Variants in GPAA1 observed in about 807,000 individuals in gnomAD.
GPAA1 encodes the protein GPI-anchor transamidase component GPAA1.
A neutral mutation model predicts 64.0 loss-of-function variants in GPAA1; 54 were observed. The observed-to-expected ratio is 0.84, with a 90% CI of 0.68 to 1.06. The LOEUF (loss-of-function observed/expected upper bound fraction) is 1.06. GPAA1 is among the 50% of genes least tolerant of loss of function. GPAA1 has a pLI of 0.00. For synonymous variants in GPAA1, 393 were observed against 377.3 expected, an observed-to-expected ratio of 1.04 and a Z score of -0.48; for missense variants, 780 against 822.3, an observed-to-expected ratio of 0.95 and a Z score of 0.63.
rs1554764231 is a variant in GPAA1, at chr8:144,085,464, C to T, written c.1436C>T (p.Pro479Leu). The T allele has an allele frequency of 1.2e-6, 2 of 1,603,668 alleles. No individual in the cohort carries two copies. The highest frequency in any genetic ancestry group is 3.3e-5 in the Admixed American group (2 of 60,006). ...LAIYAAGLAL[P>L]HNTHRVVSTQ... ...ATTTATGCAGCTGGCCTGGCCCTGC[C>T]CCACAATACCCACCGGTAAGAGGCT... Residue 479 changes from proline to leucine, a missense_variant, in exon 10 of 12, where the codon CCC becomes CTC. Coordinates refer to ENST00000355091, the MANE Select transcript of GPAA1 (RefSeq NM_003801.4).
At position 144,085,942 on chromosome 8, in the gene GPAA1, G is replaced by C. The variant is rs201447573; in HGVS notation, c.1683G>C (p.Leu561=). The C allele has an allele frequency of 5.7e-5, 92 of 1,610,204 alleles. No homozygotes were observed. In the African/African-American group the frequency reaches 9.7e-4, roughly 17 times the overall value. Residue 561 remains leucine (L), a synonymous_variant, in exon 12 of 12, where the codon CTG becomes CTC. Coordinates refer to ENST00000355091, the MANE Select transcript of GPAA1 (RefSeq NM_003801.4). ...TSPAATLLGS[L]FLWRELQEAP... is the part of the protein sequence containing the mutation. ...CGGCAGCCACGCTCCTTGGCAGCCT[G>C]TTCCTGTGGCGGGAGCTGCAGGAGG...
At position 144,083,509 on chromosome 8, in the gene GPAA1, G is replaced by A; in HGVS notation, c.366+9G>A. 6.3e-7 allele frequency: 1 copy of A among 1,595,346 alleles called. No homozygotes were observed. Among genetic ancestry groups the A allele is most frequent in the South Asian group, 1.1e-5 (1 of 90,754 alleles). On this transcript the variant is annotated intron_variant, in intron 3 of 11. Transcript: ENST00000355091. Reference sequence around the variant, plus strand: ...AGACCCACGAGCGCTATGTACTGGGGGAGTGGGGTGTGCCTGGGCCCAGAA... The same window carrying A: ...AGACCCACGAGCGCTATGTACTGGGAGAGTGGGGTGTGCCTGGGCCCAGAA...
Position 144,082,798 on chromosome 8 carries a change from C to G in GPAA1, c.68C>G (p.Pro23Arg). Reference protein sequence around the residue: ...LARLVLRLNAPLCVLSYVAGI... With the variant: ...LARLVLRLNARLCVLSYVAGI... ...CGCCTAGTGCTGCGCCTCAACGCGC[C>G]GTTGTGGTGAGGACAGGGCCCGGGG... The change falls in exon 1 of 12, where the codon CCG (proline) becomes CGG (arginine). Residue 23 changes from proline to arginine, a missense_variant. Coordinates refer to ENST00000355091, the MANE Select transcript of GPAA1 (RefSeq NM_003801.4). 6.8e-7 allele frequency: 1 copy of G among 1,463,822 alleles called. No individual in the cohort carries two copies. The allele number at this position is 1,463,822 out of a possible 1,614,324, so 90.7% of individuals were successfully genotyped here.
At position 144,085,104 on chromosome 8, in the gene GPAA1, C is replaced by G. The variant is rs1176454102; in HGVS notation, c.1226C>G (p.Ala409Gly). ...AGMGLEEPGG[A>G]PGPSVPLPPS... Reference sequence around the variant, plus strand: ...ATGGGCCTTGAGGAGCCCGGGGGTGCCCCTGGCCCCAGTGTACCCCTTCCC... The same window carrying G: ...ATGGGCCTTGAGGAGCCCGGGGGTGGCCCTGGCCCCAGTGTACCCCTTCCC... The change falls in exon 9 of 12, where the codon GCC becomes GGC. Residue 409 changes from alanine to glycine, a missense_variant. Physicochemically the swap from Ala to Gly is moderately conservative, Grantham distance 60 (BLOSUM62 0). Transcript: ENST00000355091. The G allele has an allele frequency of 6.2e-7, 1 of 1,606,150 alleles. No homozygotes were observed. Among genetic ancestry groups the G allele is most frequent in the African/African-American group, 1.3e-5 (1 of 74,816 alleles).
rs2129944355 is a variant in GPAA1, at chr8:144,084,592, C to T, written c.993C>T (p.Asp331=). Residue 331 remains aspartate, a synonymous_variant, in exon 7 of 12, where the codon GAC becomes GAT. Coordinates refer to ENST00000355091, the MANE Select transcript of GPAA1 (RefSeq NM_003801.4). ...ATAGCTTCCGCCAGTACAAGTATGA[C>T]CTGGTGGCAGTGGGCAAGTAAGTAG... is the stretch of plus-strand genomic sequence containing the variant. ...GINSFRQYKY[D]LVAVGKALEG... 9.3e-6 allele frequency: 15 copies of T among 1,611,870 alleles called. No individual in the cohort carries two copies. Among genetic ancestry groups the T allele is most frequent in the Non-Finnish European group, 1.2e-5 (14 of 1,178,216 alleles).
Position 144,083,306 on chromosome 8 carries a change from G to T in GPAA1, c.254+3G>T, listed in dbSNP as rs1554763802. The T allele has an allele frequency of 6.2e-7, 1 of 1,605,090 alleles. No homozygotes were observed. The highest frequency in any genetic ancestry group is 8.5e-7 in the Non-Finnish European group (1 of 1,174,280). On this transcript the variant is annotated splice_donor_region_variant and intron_variant, in intron 2 of 11. Transcript: ENST00000355091. The stretch of plus-strand genomic sequence containing the variant: ...GCCGCCCACCGCAAGAAGTCGGGGT[G>T]AGCGGCAGAGCAGGGCGTATGGGGC...
Position 144,082,799 on chromosome 8 carries a change from G to T in GPAA1, c.69G>T (p.Pro23=). 1 of 1,464,192 alleles carries T rather than the reference G, an allele frequency of 6.8e-7. No individual in the cohort carries two copies. The highest frequency in any genetic ancestry group is 1.3e-5 in the South Asian group (1 of 75,596). The allele number at this position is 1,464,192 out of a possible 1,614,324, so 90.7% of individuals were successfully genotyped here. ...GCCTAGTGCTGCGCCTCAACGCGCC[G>T]TTGTGGTGAGGACAGGGCCCGGGGA... The part of the protein sequence containing the change: ...LARLVLRLNA[P]LCVLSYVAGI... Residue 23 remains proline (P), a synonymous_variant, in exon 1 of 12, where the codon CCG becomes CCT. Transcript: ENST00000355091.
Position 144,084,006 on chromosome 8 carries a change from T to C in GPAA1, c.582T>C (p.Ala194=), listed in dbSNP as rs889470511. ...VTEHDLLGTE[A]WLEAYHDVNV... is the part of the protein sequence containing the mutation. The stretch of plus-strand genomic sequence containing the variant: ...AACATGACCTTCTGGGCACTGAGGC[T>C]TGGCTTGAAGCCTACCACGATGTCA... Residue 194 remains alanine (A), a synonymous_variant, in exon 5 of 12, where the codon GCT becomes GCC. Transcript: ENST00000355091. 8.7e-6 allele frequency: 14 copies of C among 1,614,096 alleles called. No homozygotes were observed. Among genetic ancestry groups the C allele is most frequent in the Non-Finnish European group, 1.1e-5 (13 of 1,179,944 alleles).
At chr8:144,085,522 C>T (rs367939672) in intron 10 of GPAA1, 43 bp downstream of exon 10, 99 of 1,605,560 alleles carry the variant, frequency 6.2e-5, no homozygotes, top group Non-Finnish European at 8.5e-6. Context: ...GTAGAGGTCC[C>T]CTGGACATGC....
In GPAA1 at chr8:144,084,820, C is replaced by T; in HGVS notation, c.1109C>T (p.Ser370Phe). The part of the protein sequence containing the change: ...YLLPGLSRFV[S>F]IGLYMPAVGF... The stretch of plus-strand genomic sequence containing the variant: ...CTCCCCGGCCTCTCCCGCTTCGTCT[C>T]CATCGGCCTCTACATGCCCGCTGTC... The change falls in exon 8 of 12, where the codon TCC becomes TTC. Residue 370 changes from serine (S) to phenylalanine (F), a missense_variant. By Grantham distance (155) the Ser-to-Phe change is radical (BLOSUM62 -2). Coordinates refer to ENST00000355091, the MANE Select transcript of GPAA1 (RefSeq NM_003801.4). The T allele has an allele frequency of 6.2e-7, 1 of 1,613,748 alleles. No homozygotes were observed. The highest frequency in any genetic ancestry group is 8.5e-7 in the Non-Finnish European group (1 of 1,180,004).
At position 144,086,053 on chromosome 8, in the gene GPAA1, G is replaced by C. The variant is rs782362397; in HGVS notation, c.1794G>C (p.Leu598=). Residue 598 remains leucine, a synonymous_variant, in exon 12 of 12, where the codon CTG becomes CTC. Coordinates refer to ENST00000355091, the MANE Select transcript of GPAA1 (RefSeq NM_003801.4). ...TGGAGCACCACACCTACGGCGCCCT[G>C]CTCTTCCCACTGCTGTCCCTGGGCC... ...GVLEHHTYGA[L]LFPLLSLGLY... 4.3e-6 allele frequency: 7 copies of C among 1,613,224 alleles called. No homozygotes were observed. In the South Asian group the frequency reaches 6.6e-5, roughly 15 times the overall value.
chr8:144,085,849 T>C, intron 11 of GPAA1, 33 bp from the exon 12 acceptor site: 3 of 1,600,818 alleles, frequency 1.9e-6, no homozygotes, highest in Non-Finnish European at 8.5e-7. Flanking sequence ...GCCCCCACCA[T>C]GGAGCCTACC....
chr8:144,085,196 T>C (rs541663022), intron 9 of GPAA1, 58 bp downstream of exon 9: 2 of 1,455,996 alleles, frequency 1.4e-6, no homozygotes, highest in African/African-American at 1.4e-5. Context: ...TGGTGTTTAG[T>C]GTTGCAACTT....
At chr8:144,084,974 G>T in intron 8 of GPAA1, 69 bp from the exon 9 acceptor site, 1 of 1,566,692 alleles carries the variant, frequency 6.4e-7, no homozygotes, top group African/African-American at 1.4e-5. Context: ...TGGGGTACGG[G>T]GGTGAGCCCT....
rs1279216423 is a variant in GPAA1 at position 144,083,754 on chromosome 8, C to G, written c.407C>G (p.Pro136Arg). 2.5e-6 allele frequency: 4 copies of G among 1,605,300 alleles called. No individual in the cohort carries two copies. Among genetic ancestry groups the G allele is most frequent in the Non-Finnish European group, 3.4e-6 (4 of 1,179,786 alleles). The change falls in exon 4 of 12, where the codon CCG (proline) becomes CGG (arginine). Residue 136 changes from proline to arginine, a missense_variant. Transcript: ENST00000355091. ...AACGTGTACGGCATCCTGCGGGCCCCGCGTGCTGCCAGCACCGAGTCGCTT... is the reference window on the plus strand; with the variant it reads ...AACGTGTACGGCATCCTGCGGGCCCGGCGTGCTGCCAGCACCGAGTCGCTT... ...GTNVYGILRAPRAASTESLVL... is the reference protein window; with the variant it reads ...GTNVYGILRARRAASTESLVL...
chr8:144,082,897 C>T (rs1554763692), intron 1 of GPAA1, 93 bp downstream of exon 1: 2 of 1,082,224 alleles, frequency 1.8e-6, no homozygotes, highest in African/African-American at 3.4e-5. Flanking sequence ...CGGGGCCGCT[C>T]CAGCTGCTCG....
Position 144,084,722 on chromosome 8 carries a change from G to A in GPAA1, c.1011G>A (p.Lys337=). The change falls in exon 8 of 12, where the codon AAG becomes AAA. Residue 337 remains lysine, a splice_region_variant and synonymous_variant. Transcript: ENST00000355091. ...QYKYDLVAVG[K]ALEGMFRKLN... is the part of the protein sequence containing the mutation. ...CGTGAACCTGCCCCACACCTGACAG[G>A]GCTTTGGAGGGCATGTTCCGCAAGC... The A allele has an allele frequency of 6.2e-7, 1 of 1,613,718 alleles. No homozygotes were observed. The highest frequency in any genetic ancestry group is 1.1e-5 in the South Asian group (1 of 91,054).
chr8:144,085,052 CTG>C lies in GPAA1; in HGVS notation c.1177_1178del (p.Trp393AspfsTer5), dbSNP rs781908018. 6 of 1,609,244 alleles carry C rather than the reference CTG, an allele frequency of 3.7e-6. No homozygotes were observed. Among genetic ancestry groups the C allele is most frequent in the South Asian group, 1.1e-5 (1 of 90,388 alleles). ...LLVLGLKALE[L>X]WMQLHEAGMG... ...TCCTTGATTGGGCTACGCTCTGGAA[CTG>C]TGGATGCAGCTGCATGAGGCTGGAA... On this transcript the variant is annotated frameshift_variant, in exon 9 of 12. Coordinates refer to ENST00000355091, the MANE Select transcript of GPAA1 (RefSeq NM_003801.4). LOFTEE classifies it high-confidence loss of function.
Position 144,085,158 on chromosome 8 carries a change from T to A in GPAA1, c.1260+20T>A. On this transcript the variant is annotated intron_variant, in intron 9 of 11. Transcript: ENST00000355091. Reference sequence around the variant, plus strand: ...TCACAGGTGATGGCACCCCCTTCTGTTGTTGGAATGGGCTTCTGGGGTCTG... The same window carrying A: ...TCACAGGTGATGGCACCCCCTTCTGATGTTGGAATGGGCTTCTGGGGTCTG... 1 of 1,494,132 alleles carries A rather than the reference T, an allele frequency of 6.7e-7. No individual in the cohort carries two copies. 92.6% of individuals were successfully genotyped at this position (1,494,132 alleles called of 1,614,324 possible). A position where few individuals can be genotyped will look rare whatever the true frequency, so the allele number is the denominator to read the frequency against.
Sources: allele counts gnomAD v4.1 joint callset, GRCh38; gene constraint gnomAD v4.1.1; transcripts MANE v1.5; gene names NCBI Gene and HGNC (gene_info 2026-07-23, HGNC 2026-07-21).